GALNT13: variants seen among roughly 807,000 people sequenced by gnomAD.
GALNT13 encodes the protein polypeptide N-acetylgalactosaminyltransferase 13, also known as UDP-GalNAc:polypeptide N-acetylgalactosaminyltransferase 13.
A neutral mutation model predicts 64.2 loss-of-function variants in GALNT13; 28 were observed. The ratio of observed to expected loss-of-function variants is 0.44; its 90% CI spans 0.32 to 0.60. The LOEUF (loss-of-function observed/expected upper bound fraction) is 0.60, where lower values mean the gene tolerates loss of function less well. Among genes scored for constraint, GALNT13 ranks in the 20% least tolerant of loss-of-function variants. GALNT13 has a pLI of 0.05. For synonymous variants in GALNT13, 214 were observed against 224.6 expected (o/e 0.95, Z 0.42); for missense variants, 577 against 669.8 (o/e 0.86, Z 1.53).
chr2:153,672,937 C>CA, the GALNT13 span, among the ~76,000 whole-genome samples: 3 of 152,130 alleles, frequency 2.0e-5, no homozygotes, highest in Non-Finnish European at 2.9e-5. Context: ...CGGCTCTATG[C>CA]AAATAAACTA....
At chr2:154,269,925 T>TATTTATATATATGTGTATATATATATA (rs1421612508) in intron 8 of GALNT13, among the ~76,000 whole-genome samples, 6 of 139,242 alleles carry the variant, frequency 4.3e-5, no homozygotes, top group Admixed American at 7.4e-5. Context: ...TATATATATA[T>TATTTATATATATGTGTATATATATATA]TTCTAAAGCA....
chr2:154,000,805 A>G (rs1400530208), intron 3 of GALNT13, among the ~76,000 whole-genome samples: 3 of 152,110 alleles, frequency 2.0e-5, no homozygotes, highest in Admixed American at 6.5e-5. Context: ...TGTTAAGTCA[A>G]TTTGGAAAAC....
At chr2:153,640,123 C>T in the GALNT13 span, among the ~76,000 whole-genome samples, 1 of 152,058 alleles carries the variant, frequency 6.6e-6, no homozygotes, top group Non-Finnish European at 1.5e-5. Flanking sequence ...GAAGTTTGGT[C>T]TCAAATAAAG....
chr2:153,689,397 T>G, the GALNT13 span, among the ~76,000 whole-genome samples: 2 of 152,092 alleles, frequency 1.3e-5, no homozygotes, highest in Non-Finnish European at 2.9e-5. Context: ...AAGGCATTCT[T>G]TATAAAATCT....
chr2:153,888,543 CTCA>C (rs1687342296), intron 1 of GALNT13, among the ~76,000 whole-genome samples: 1 of 151,938 alleles, frequency 6.6e-6, no homozygotes, highest in Non-Finnish European at 1.5e-5. Flanking sequence ...ATGTTGGGTC[CTCA>C]TTTGCATTTC....
intron 3 of GALNT13, among the ~76,000 whole-genome samples, chr2:154,032,905 C>A (rs1050512129): frequency 1.3e-4 from 17 of 129,222 alleles, no homozygotes; most frequent in African/African-American, 4.9e-4. Context: ...TTGTGGCATG[C>A]AACCTTACTA....
the GALNT13 span, among the ~76,000 whole-genome samples, chr2:153,184,369 G>C: frequency 6.6e-6 from 1 of 152,126 alleles, no homozygotes; most frequent in Non-Finnish European, 1.5e-5. Flanking sequence ...AGAAGCTTTT[G>C]GGTGGGACAA....
intron 3 of GALNT13, among the ~76,000 whole-genome samples, chr2:153,975,655 C>A (rs1694028983): frequency 6.6e-6 from 1 of 152,194 alleles, no homozygotes; most frequent in African/African-American, 2.4e-5. Context: ...AATTTGGCTG[C>A]TTTCTTCTCA....
chr2:154,222,773 G>T (rs1688385393), intron 4 of GALNT13, among the ~76,000 whole-genome samples: 1 of 152,092 alleles, frequency 6.6e-6, no homozygotes, highest in South Asian at 2.1e-4. Flanking sequence ...TCAGGGACGG[G>T]TTGAGGATTT....
chr2:154,277,799 T>C (rs1047505626), intron 8 of GALNT13, among the ~76,000 whole-genome samples: 7 of 152,188 alleles, frequency 4.6e-5, no homozygotes, highest in Non-Finnish European at 1.0e-4. Context: ...AAATTCCAAA[T>C]TTGATGCATT....
intron 4 of GALNT13, among the ~76,000 whole-genome samples, chr2:154,207,351 T>C (rs1423688064): frequency 3.3e-5 from 5 of 152,170 alleles, no homozygotes; most frequent in Non-Finnish European, 5.9e-5. Flanking sequence ...ATTAATAATC[T>C]GTTGAATTAT....
the GALNT13 span, among the ~76,000 whole-genome samples, chr2:153,138,889 G>A: frequency 6.6e-6 from 1 of 151,898 alleles, no homozygotes; most frequent in Non-Finnish European, 1.5e-5. Flanking sequence ...TGGTGCAGGT[G>A]GGTTGAGTAT....
At chr2:153,241,090 TTG>T in the GALNT13 span, among the ~76,000 whole-genome samples, 1 of 152,116 alleles carries the variant, frequency 6.6e-6, no homozygotes, top group African/African-American at 2.4e-5. Flanking sequence ...CGTCTTGTCT[TTG>T]TGTGTGTTTG....
At chr2:153,595,876 A>G in the GALNT13 span, among the ~76,000 whole-genome samples, 1 of 152,214 alleles carries the variant, frequency 6.6e-6, no homozygotes, top group Non-Finnish European at 1.5e-5. Flanking sequence ...ACCAAACAAT[A>G]TATTTAGACA....
chr2:154,133,562 A>G (rs1284123291), intron 3 of GALNT13, among the ~76,000 whole-genome samples: 4 of 48,820 alleles, frequency 8.2e-5, no homozygotes, highest in Non-Finnish European at 5.8e-5. Context: ...ATATATATAT[A>G]TATATATATA....
At chr2:154,162,410 CTG>C (rs1684784599) in intron 4 of GALNT13, among the ~76,000 whole-genome samples, 1 of 152,202 alleles carries the variant, frequency 6.6e-6, no homozygotes, top group South Asian at 2.1e-4. Context: ...TGCTTCAACT[CTG>C]TGCTTAATAG....
At chr2:154,316,115 C>A (rs1272219951) in intron 9 of GALNT13, among the ~76,000 whole-genome samples, 1 of 151,894 alleles carries the variant, frequency 6.6e-6, no homozygotes, top group African/African-American at 2.4e-5. Flanking sequence ...ATTTAAAAAT[C>A]AAACAGTTAA....
At chr2:153,626,561 GC>G in the GALNT13 span, among the ~76,000 whole-genome samples, 10 of 152,164 alleles carry the variant, frequency 6.6e-5, no homozygotes, top group African/African-American at 2.4e-4. Flanking sequence ...TACTTTCCAT[GC>G]TTGGCACATA....
At chr2:154,206,692 G>C (rs1345513968) in intron 4 of GALNT13, among the ~76,000 whole-genome samples, 1 of 151,804 alleles carries the variant, frequency 6.6e-6, no homozygotes, top group Non-Finnish European at 1.5e-5. Context: ...AGCTACTCAG[G>C]AGGCTGAGGC....
Sources: allele counts gnomAD v4.1 joint callset (sites outside exome capture counted in the v4.1 genomes callset), GRCh38; gene constraint gnomAD v4.1.1; transcripts MANE v1.5; gene names NCBI Gene and HGNC (gene_info 2026-07-23, HGNC 2026-07-21).